RBM18: variants seen among roughly 807,000 people sequenced by gnomAD.
RBM18 encodes the protein probable RNA-binding protein 18.
Under a neutral mutation model 26.4 loss-of-function variants are expected in RBM18, and 18 were observed. The ratio of observed to expected loss-of-function variants is 0.68; its 90% CI spans 0.47 to 1.01. The LOEUF is 1.01. Among genes scored for constraint, RBM18 ranks in the 50% least tolerant of loss-of-function variants. The pLI is 0.00. For missense variants in RBM18, 180 were observed against 219.2 expected (o/e 0.82, Z 1.13); for synonymous variants, 74 against 81.1 (o/e 0.91, Z 0.47).
intron 2 of RBM18, among the ~76,000 whole-genome samples, chr9:122,255,737 AATCTTC>A (rs1378099284): frequency 2.0e-5 from 3 of 152,070 alleles, no homozygotes; most frequent in Admixed American, 6.6e-5. Flanking sequence ...TCTCTTAGCT[AATCTTC>A]ATCTTCAATT....
chr9:122,252,115 T>C, intron 2 of RBM18, 142 bp from the exon 3 acceptor site: 2 of 1,055,628 alleles, frequency 1.9e-6, no homozygotes, highest in Non-Finnish European at 2.7e-6. Flanking sequence ...TAAACTGCTA[T>C]GTTAGTTTAT....
rs1271412939 is a variant in RBM18, at chr9:122,241,389, G to A, written c.*495C>T. 3 of 152,768 alleles carry A rather than the reference G, an allele frequency of 2.0e-5. No individual in the cohort carries two copies. The highest frequency in any genetic ancestry group is 4.4e-5 in the Non-Finnish European group (3 of 68,148). 9.5% of individuals were successfully genotyped at this position (152,768 alleles called of 1,614,324 possible). On this transcript the variant is annotated 3_prime_UTR_variant, in exon 6 of 6. Transcript: ENST00000417201. ...AACTTTCTCTTTTTCAGTCCAGTTG[G>A]AGGGATTGCCGTAGTAAATTCTGGA...
intron 1 of RBM18, 94 bp from the exon 2 acceptor site, chr9:122,261,602 G>T: frequency 2.3e-6 from 2 of 856,370 alleles, no homozygotes; most frequent in Non-Finnish European, 3.8e-6. Flanking sequence ...TTCAAGGAGG[G>T]CATGCCCTCT....
At chr9:122,259,320 G>A (rs1564459141) in intron 2 of RBM18, among the ~76,000 whole-genome samples, 3 of 152,172 alleles carry the variant, frequency 2.0e-5, no homozygotes, top group Non-Finnish European at 2.9e-5. Context: ...GCAGAGGTGG[G>A]AATGGAAACC....
chr9:122,261,355 A>G (rs1831790950), intron 2 of RBM18, 25 bp downstream of exon 2: 1 of 1,535,566 alleles, frequency 6.5e-7, no homozygotes, highest in Non-Finnish European at 9.0e-7. Context: ...ATTGTAGGTA[A>G]AAAACTAAGG....
intron 2 of RBM18, among the ~76,000 whole-genome samples, chr9:122,260,574 C>T (rs766293351): frequency 4.6e-5 from 7 of 152,126 alleles, no homozygotes; most frequent in Non-Finnish European, 8.8e-5. Context: ...ATTTCGTGAA[C>T]TCGGGCAAGG....
intron 2 of RBM18, among the ~76,000 whole-genome samples, chr9:122,253,518 G>A (rs114251428): frequency 1.7e-4 from 26 of 152,208 alleles, no homozygotes; most frequent in African/African-American, 5.1e-4. Context: ...CAGGGGAAAC[G>A]AAGACACCTT....
chr9:122,258,405 A>G (rs1346302725), intron 2 of RBM18, among the ~76,000 whole-genome samples: 3 of 151,962 alleles, frequency 2.0e-5, no homozygotes, highest in Admixed American at 2.0e-4. Flanking sequence ...AGTAGTTAGG[A>G]CTACAGGCAA....
rs142072362 is a variant in RBM18 at position 122,261,453 on chromosome 9, A to C, written c.40T>G (p.Ser14Ala). ...TGCAGAGAGCCCTCTGAAAGGATGG[A>C]TGCATTCTCCAGGGGAAGAGTTTTG... is the stretch of plus-strand genomic sequence containing the variant. ...ETKTLPLENA[S>A]ILSEGSLQEG... is the part of the protein sequence containing the mutation. The change falls in exon 2 of 6, where the codon TCC (serine) becomes GCC (alanine). Residue 14 changes from serine (S) to alanine (A), a missense_variant. Transcript: ENST00000417201. 3.7e-5 allele frequency: 60 copies of C among 1,614,198 alleles called. No homozygotes were observed. The African/African-American group carries it at 7.1e-4, about 19-fold the overall frequency.
At chr9:122,248,531 C>G (rs925056399) in intron 3 of RBM18, among the ~76,000 whole-genome samples, 3 of 152,138 alleles carry the variant, frequency 2.0e-5, no homozygotes, top group African/African-American at 7.2e-5. Flanking sequence ...TCAAAGAGAC[C>G]GTTAGCAAGG....
rs369550553 is a variant in RBM18 at position 122,245,350 on chromosome 9, G to A, written c.328-9C>T. On this transcript the variant is annotated splice_polypyrimidine_tract_variant and intron_variant, in intron 4 of 5. Coordinates refer to ENST00000417201, the MANE Select transcript of RBM18 (RefSeq NM_033117.4). ...TTGTTATGATCATATCTCTGAAAAT[G>A]AGAAATAGAGAAATTACTTCACATG... is the stretch of plus-strand genomic sequence containing the variant. The A allele has an allele frequency of 7.9e-5, 123 of 1,548,938 alleles. No homozygotes were observed. The highest frequency in any genetic ancestry group is 1.7e-4 in the Middle Eastern group (1 of 5,942).
chr9:122,247,430 T>A (rs1175447769), intron 4 of RBM18, 88 bp downstream of exon 4: 1 of 1,079,554 alleles, frequency 9.3e-7, no homozygotes, highest in Admixed American at 1.7e-5. Flanking sequence ...TGTGAAGAGA[T>A]TGGGACATAA....
At chr9:122,264,631 T>C (rs1457346412) in intron 1 of RBM18, 84 bp downstream of exon 1, 2 of 152,306 alleles carry the variant, frequency 1.3e-5, no homozygotes, top group African/African-American at 4.8e-5. Flanking sequence ...GGGCCTGAGA[T>C]GCAGTCCTGC....
At chr9:122,249,372 T>C (rs904669739) in intron 3 of RBM18, among the ~76,000 whole-genome samples, 1 of 152,166 alleles carries the variant, frequency 6.6e-6, no homozygotes, top group Non-Finnish European at 1.5e-5. Context: ...CCCAGTGTTT[T>C]TAAACCAACA....
intron 5 of RBM18, chr9:122,244,018 T>C (rs1831465306): frequency 3.7e-6 from 1 of 267,466 alleles, no homozygotes. Flanking sequence ...TAGTTAGATT[T>C]ATGAAAACCT....
intron 1 of RBM18, among the ~76,000 whole-genome samples, 180 bp from the exon 2 acceptor site, chr9:122,261,688 C>T (rs960723713): frequency 6.6e-6 from 1 of 152,220 alleles, no homozygotes; most frequent in Admixed American, 6.5e-5. Context: ...ACTGCTCTGG[C>T]AGCCAGGGCA....
chr9:122,261,994 G>C (rs2118978309), intron 1 of RBM18, among the ~76,000 whole-genome samples: 1 of 152,090 alleles, frequency 6.6e-6, no homozygotes, highest in Non-Finnish European at 1.5e-5. Flanking sequence ...TAAGAAATCT[G>C]TGCGTAGACA....
intron 1 of RBM18, among the ~76,000 whole-genome samples, chr9:122,262,121 T>C (rs1187697405): frequency 7.5e-6 from 1 of 132,742 alleles, no homozygotes; most frequent in Non-Finnish European, 1.8e-5. Flanking sequence ...GTTGTGAAGA[T>C]TAAAGACAGT....
chr9:122,248,977 G>C (rs2118958263), intron 3 of RBM18, among the ~76,000 whole-genome samples: 1 of 152,314 alleles, frequency 6.6e-6, no homozygotes, highest in East Asian at 1.9e-4. Context: ...CCCCACTACA[G>C]CACACAAAGC....
Sources: gnomAD v4.1 joint callset for allele counts (sites outside exome capture counted in the v4.1 genomes callset) on GRCh38, gnomAD v4.1.1 for gene constraint, MANE v1.5 for transcripts, NCBI Gene and HGNC (gene_info 2026-07-23, HGNC 2026-07-21) for gene names.